Variants in INO80C observed in about 807,000 individuals in gnomAD.
The protein encoded by INO80C is INO80 complex subunit C, also known as IES6 homolog.
Under a neutral mutation model 17.7 loss-of-function variants are expected in INO80C, and 17 were observed. The observed-to-expected ratio is 0.96, with a 90% CI of 0.66 to 1.44. INO80C has a LOEUF of 1.44. Among genes scored for constraint, INO80C ranks in the 40% most tolerant of loss-of-function variants. The pLI is 0.00. For missense variants in INO80C, 244 were observed against 245.0 expected (o/e 1.00, Z 0.03); for synonymous variants, 96 against 95.8 (o/e 1.00, Z -0.01).
At chr18:35,474,596 T>C (rs2045712664) in intron 4 of INO80C, among the ~76,000 whole-genome samples, 1 of 151,928 alleles carries the variant, frequency 6.6e-6, no homozygotes, top group South Asian at 2.1e-4. Context: ...CTGAAGCACG[T>C]GGATCGCTTG....
In INO80C at chr18:35,488,819, C is replaced by T. The variant is rs190069441; in HGVS notation, c.157-8256G>A. Among the ~76,000 whole-genome samples, 428 of 152,278 alleles carry T rather than the reference C, an allele frequency of 2.8e-3. 4 individuals carry two copies. Among genetic ancestry groups the T allele is most frequent in the African/African-American group, 9.7e-3 (401 of 41,554 alleles). On this transcript the variant is annotated intron_variant, in intron 1 of 4. Transcript: ENST00000334598. Reference sequence around the variant, plus strand: ...TTTATGCTCTGTTTCCCTTTTAAAACGGAATGCTTTTAACAGCACCCAAGT... The same window carrying T: ...TTTATGCTCTGTTTCCCTTTTAAAATGGAATGCTTTTAACAGCACCCAAGT...
Position 35,497,948 on chromosome 18 carries a change from C to G in INO80C, c.-74G>C, listed in dbSNP as rs112435799. 2 of 1,424,558 alleles carry G rather than the reference C, an allele frequency of 1.4e-6. No homozygotes were observed. Among genetic ancestry groups the G allele is most frequent in the Admixed American group, 2.8e-5 (1 of 36,162 alleles). The allele number at this position is 1,424,558 out of a possible 1,614,324, so 88.2% of individuals were successfully genotyped here. On this transcript the variant is annotated 5_prime_UTR_variant, in exon 1 of 5. Transcript: ENST00000334598. ...CCTTGGAACTTCCTTTCCGCTGTTA[C>G]TTCCGTCTTGATGCTTGAAAACCCG...
At chr18:35,483,961 G>A (rs1334954237) in intron 1 of INO80C, among the ~76,000 whole-genome samples, 1 of 152,024 alleles carries the variant, frequency 6.6e-6, no homozygotes, top group Non-Finnish European at 1.5e-5. Context: ...ATGCGGCAGG[G>A]GATAAAAAAT....
chr18:35,474,353 A>G (rs1456962711), intron 4 of INO80C, among the ~76,000 whole-genome samples: 2 of 151,078 alleles, frequency 1.3e-5, no homozygotes, highest in East Asian at 3.9e-4. Context: ...ACTATAATTA[A>G]TATCTTGAAG....
Position 35,468,375 on chromosome 18 carries a change from CT to C in INO80C, c.*235del. On this transcript the variant is annotated 3_prime_UTR_variant, in exon 5 of 5. Transcript: ENST00000334598. ...TTTATTGTATCTTCTTGTCAAACAC[CT>C]TTACTTGAGGCAACAACTGAAGTAT... The C allele has an allele frequency of 7.4e-7, 1 of 1,357,930 alleles. No individual in the cohort carries two copies. The highest frequency in any genetic ancestry group is 1.5e-5 in the African/African-American group (1 of 68,390). The allele number at this position is 1,357,930 out of a possible 1,614,324, so 84.1% of individuals were successfully genotyped here. A position where few individuals can be genotyped will look rare whatever the true frequency, so the allele number is the denominator to read the frequency against.
chr18:35,491,156 AG>A (rs1235575623), intron 1 of INO80C, among the ~76,000 whole-genome samples: 1 of 152,226 alleles, frequency 6.6e-6, no homozygotes, highest in Non-Finnish European at 1.5e-5. Context: ...AAAGCAATAC[AG>A]GGGGATTCTT....
chr18:35,490,206 C>G (rs762052272), intron 1 of INO80C, among the ~76,000 whole-genome samples: 1 of 152,090 alleles, frequency 6.6e-6, no homozygotes, highest in South Asian at 2.1e-4. Context: ...TGGGGTGAGC[C>G]GGTCCAAGGA....
intron 1 of INO80C, 60 bp downstream of exon 1, chr18:35,497,659 C>G (rs1267556429): frequency 6.4e-7 from 1 of 1,561,970 alleles, no homozygotes; most frequent in Non-Finnish European, 8.7e-7. Flanking sequence ...TGGCTCGGCT[C>G]CGCCCCGCCA....
intron 1 of INO80C, among the ~76,000 whole-genome samples, chr18:35,486,725 G>A (rs1026625713): frequency 7.0e-6 from 1 of 142,596 alleles, no homozygotes; most frequent in East Asian, 2.2e-4. Context: ...ACTGCGCTAT[G>A]ATTGTGTCTG....
chr18:35,495,275 A>G (rs982331697), intron 1 of INO80C, among the ~76,000 whole-genome samples: 1 of 152,142 alleles, frequency 6.6e-6, no homozygotes, highest in Non-Finnish European at 1.5e-5. Flanking sequence ...CCAAAAATAC[A>G]ATGGTGGCAT....
chr18:35,479,494 A>T (rs1033394313), intron 2 of INO80C, 83 bp from the exon 3 acceptor site: 4 of 780,098 alleles, frequency 5.1e-6, no homozygotes, highest in Non-Finnish European at 8.8e-6. Context: ...CCTAATCATA[A>T]CTGTAATATA....
At chr18:35,475,638 A>T (rs910577744) in intron 4 of INO80C, among the ~76,000 whole-genome samples, 1 of 151,878 alleles carries the variant, frequency 6.6e-6, no homozygotes, top group Non-Finnish European at 1.5e-5. Context: ...GCATCACTGC[A>T]CTCCAGCCTG....
intron 4 of INO80C, among the ~76,000 whole-genome samples, chr18:35,469,678 C>T (rs756531148): frequency 6.6e-6 from 1 of 152,174 alleles, no homozygotes; most frequent in East Asian, 1.9e-4. Flanking sequence ...GTGGAATGCA[C>T]ATCTCTGTTG....
At chr18:35,487,538 G>C (rs2045889284) in intron 1 of INO80C, 3 of 181,520 alleles carry the variant, frequency 1.7e-5, no homozygotes, top group Admixed American at 6.2e-5. Flanking sequence ...ACTACCATGA[G>C]AACAGCATGG....
chr18:35,497,594 T>TC, intron 1 of INO80C, 125 bp downstream of exon 1: 3 of 1,435,906 alleles, frequency 2.1e-6, no homozygotes, highest in Non-Finnish European at 2.7e-6. Context: ...CGGGGCAGCG[T>TC]CTTTCAACCC....
chr18:35,481,988 G>C (rs2045814839), intron 1 of INO80C, among the ~76,000 whole-genome samples: 1 of 152,186 alleles, frequency 6.6e-6, no homozygotes, highest in Admixed American at 6.5e-5. Flanking sequence ...TCCACGGTAA[G>C]GAGGCACCCC....
intron 1 of INO80C, among the ~76,000 whole-genome samples, chr18:35,491,139 T>A (rs755136947): frequency 3.3e-5 from 5 of 152,096 alleles, no homozygotes; most frequent in Non-Finnish European, 5.9e-5. Context: ...GTGTGCCCAA[T>A]GAAAGGAAAG....
chr18:35,493,694 G>A (rs2045952961), intron 1 of INO80C, among the ~76,000 whole-genome samples: 1 of 152,016 alleles, frequency 6.6e-6, no homozygotes, highest in Admixed American at 6.6e-5. Context: ...TTTTACTTTA[G>A]AAACAGCAAG....
rs1450735484 is a variant in INO80C at position 35,479,360 on chromosome 18, T to G, written c.319A>C (p.Asn107His). 5 of 1,614,200 alleles carry G rather than the reference T, an allele frequency of 3.1e-6. No homozygotes were observed. The highest frequency in any genetic ancestry group is 4.2e-6 in the Non-Finnish European group (5 of 1,180,022). The change falls in exon 3 of 5, where the codon AAC becomes CAC. Residue 107 changes from asparagine to histidine, a missense_variant. Transcript: ENST00000334598. ...TCAGAAGCGAGGATTTGTTTCAGGT[T>G]CTTCCAGGTTCTGTTCTTCTTGCCA... ...VAGKKNRTWK[N>H]LKQILASERA...
Sources: allele counts gnomAD v4.1 joint callset (sites outside exome capture counted in the v4.1 genomes callset), GRCh38; gene constraint gnomAD v4.1.1; transcripts MANE v1.5; gene names NCBI Gene and HGNC (gene_info 2026-07-23, HGNC 2026-07-21).